Variants in NRP2 observed in about 807,000 individuals in gnomAD.
NRP2 encodes the protein neuropilin 2.
NRP2 carries 52 observed loss-of-function variants against 110.4 expected under a neutral mutation model. The ratio of observed to expected loss-of-function variants is 0.47; its 90% CI spans 0.38 to 0.59. NRP2 has a LOEUF of 0.59. NRP2 is among the 20% of genes least tolerant of loss of function. NRP2 has a pLI of 0.00. For missense variants in NRP2, 1,049 were observed against 1,203.0 expected (o/e 0.87, Z 1.89); for synonymous variants, 508 against 468.9 (o/e 1.08, Z -1.08).
chr2:205,733,881 T>A (rs1363046011), intron 7 of NRP2, among the ~76,000 whole-genome samples: 1 of 151,980 alleles, frequency 6.6e-6, no homozygotes, highest in African/African-American at 2.4e-5. Flanking sequence ...GTTAGTATGC[T>A]GTGTTCCAGG....
chr2:205,715,100 C>T (rs1040579425), intron 2 of NRP2, among the ~76,000 whole-genome samples: 3 of 152,098 alleles, frequency 2.0e-5, no homozygotes, highest in South Asian at 2.1e-4. Flanking sequence ...AATGGTGCAG[C>T]GGCCAGCAGT....
At chr2:205,743,825 C>G (rs1224788294) in intron 9 of NRP2, 10 of 489,886 alleles carry the variant, frequency 2.0e-5, no homozygotes, top group Non-Finnish European at 3.5e-5. Flanking sequence ...CTCACTGCAA[C>G]CTCCGCCTCC....
Position 205,686,469 on chromosome 2 carries a change from C to A in NRP2, c.73+3106C>A, listed in dbSNP as rs1049217667. ...GATTGATTTCTTTTTAATATCAACA[C>A]AAGTTAATGGAGGCAAGGCGCGCTC... On this transcript the variant is annotated intron_variant, in intron 1 of 16. Transcript: ENST00000357785. The surrounding 1 kb of genome is among the most constrained non-coding windows in gnomAD (Gnocchi z 4.7). 6.6e-6 allele frequency among the ~76,000 whole-genome samples: 1 copy of A among 152,202 alleles called. No homozygotes were observed. The highest frequency in any genetic ancestry group is 1.5e-5 in the Non-Finnish European group (1 of 68,054).
chr2:205,693,633 T>C (rs954960134), intron 1 of NRP2, among the ~76,000 whole-genome samples: 5 of 152,158 alleles, frequency 3.3e-5, no homozygotes, highest in African/African-American at 9.7e-5. Flanking sequence ...AAAGGTCAAA[T>C]TGAGTGAGTT....
rs562144161 is a variant in NRP2 at position 205,697,770 on chromosome 2, G to A, written c.251+49G>A. On this transcript the variant is annotated intron_variant, in intron 2 of 16. Transcript: ENST00000357785. The stretch of plus-strand genomic sequence containing the variant: ...TGTATCCCATCCATGAGATGCACAC[G>A]CCCTGCCCCCACCCCTGCTCTTGTC... 40 of 1,543,216 alleles carry A rather than the reference G, an allele frequency of 2.6e-5. No individual in the cohort carries two copies. In the South Asian group the frequency reaches 2.8e-4, roughly 11 times the overall value.
At chr2:205,766,970 A>T (rs1008963492) in intron 15 of NRP2, 167 bp downstream of exon 15, 91 of 660,968 alleles carry the variant, frequency 1.4e-4, no homozygotes, top group Non-Finnish European at 5.4e-5. Flanking sequence ...ACACCTGTAG[A>T]TGCGGGAAGG....
Position 205,734,408 on chromosome 2 carries a change from C to G in NRP2, c.1147-6111C>G, listed in dbSNP as rs539391673. Among the ~76,000 whole-genome samples the G allele has an allele frequency of 9.5e-4, 143 of 149,788 alleles. 1 individual carries two copies. The South Asian group carries it at 0.027, about 29-fold the overall frequency. The stretch of plus-strand genomic sequence containing the variant: ...CATATCATTTCCCACCGCCCCCCCC[C>G]ACCCCGCATCGCAACAGTTCCCTCC... On this transcript the variant is annotated intron_variant, in intron 7 of 16. Coordinates refer to ENST00000357785, the MANE Select transcript of NRP2 (RefSeq NM_003872.3).
At position 205,718,047 on chromosome 2, in the gene NRP2, T is replaced by C. The variant is rs546144151; in HGVS notation, c.433+1673T>C. Among the ~76,000 whole-genome samples the C allele has an allele frequency of 5.9e-5, 9 of 152,226 alleles. No homozygotes were observed. The East Asian group carries it at 1.7e-3, about 29-fold the overall frequency. Reference sequence around the variant, plus strand: ...TTAGCAATCGAGGGGCTCCAGAGAATCTATTCAATAGCAAGGTCCCTAGTG... The same window carrying C: ...TTAGCAATCGAGGGGCTCCAGAGAACCTATTCAATAGCAAGGTCCCTAGTG... On this transcript the variant is annotated intron_variant, in intron 3 of 16. Transcript: ENST00000357785.
chr2:205,723,748 T>G (rs1200465215), intron 4 of NRP2, 37 bp from the exon 5 acceptor site: 13 of 1,612,616 alleles, frequency 8.1e-6, no homozygotes, highest in Non-Finnish European at 1.1e-5. Context: ...TTTGACATTT[T>G]GATTTCCACT....
chr2:205,784,905 G>T (rs1364810384), intron 15 of NRP2, among the ~76,000 whole-genome samples: 1 of 152,142 alleles, frequency 6.6e-6, no homozygotes, highest in Non-Finnish European at 1.5e-5. Context: ...TTTTACAGGG[G>T]ACCACACCTG....
intron 12 of NRP2, among the ~76,000 whole-genome samples, chr2:205,755,921 C>T (rs566440024): frequency 6.6e-6 from 1 of 152,110 alleles, no homozygotes; most frequent in African/African-American, 2.4e-5. Flanking sequence ...AGGAGCTAGC[C>T]GTGTTGAAGT....
At chr2:205,769,501 T>TACACACAC (rs1487457755) in intron 15 of NRP2, among the ~76,000 whole-genome samples, 10 of 54,106 alleles carry the variant, frequency 1.8e-4, no homozygotes, top group East Asian at 1.1e-3. Flanking sequence ...TGTATATACA[T>TACACACAC]ACATACACAC....
At chr2:205,781,547 CGTG>C (rs1559366586) in intron 15 of NRP2, among the ~76,000 whole-genome samples, 5 of 152,230 alleles carry the variant, frequency 3.3e-5, no homozygotes, top group African/African-American at 1.2e-4. Context: ...TCTGCACAAA[CGTG>C]TGGCCTTTCT....
intron 1 of NRP2, among the ~76,000 whole-genome samples, chr2:205,689,796 C>T (rs937987623): frequency 1.4e-4 from 22 of 152,086 alleles, no homozygotes; most frequent in African/African-American, 4.3e-4. Context: ...CAGGGAACAC[C>T]GTGTTTAAGG....
intron 1 of NRP2, among the ~76,000 whole-genome samples, chr2:205,689,856 G>A (rs1186794852): frequency 6.6e-6 from 1 of 152,188 alleles, no homozygotes; most frequent in Non-Finnish European, 1.5e-5. Flanking sequence ...AGGCCCTTCA[G>A]CAGCTGAACT....
rs1347671500 is a variant in NRP2, at chr2:205,686,592, G to C, written c.73+3229G>C. ...GTCCAGCGGCTGGGTGGCGGGCGCC[G>C]GTAGCCCTAGTGTTTGGAGGTGGGG... On this transcript the variant is annotated intron_variant, in intron 1 of 16. Coordinates refer to ENST00000357785, the MANE Select transcript of NRP2 (RefSeq NM_003872.3). This position sits in a 1 kb window ranked among gnomAD's most constrained non-coding sequence, Gnocchi z 4.7. Among the ~76,000 whole-genome samples, 3 of 152,182 alleles carry C rather than the reference G, an allele frequency of 2.0e-5. No individual in the cohort carries two copies. The highest frequency in any genetic ancestry group is 4.4e-5 in the Non-Finnish European group (3 of 68,028).
At chr2:205,791,908 C>T (rs1425638377) in intron 15 of NRP2, among the ~76,000 whole-genome samples, 1 of 152,164 alleles carries the variant, frequency 6.6e-6, no homozygotes, top group Non-Finnish European at 1.5e-5. Flanking sequence ...TGCTGTTGGG[C>T]ATAAGATGCC....
rs113967103 is a variant in NRP2 at position 205,693,764 on chromosome 2, G to A, written c.74-3780G>A. The stretch of plus-strand genomic sequence containing the variant: ...ACTGGGCCCTCTAATCCCACATTCA[G>A]CCAATGGCCAAGTTTCCCTGGTTTC... On this transcript the variant is annotated intron_variant, in intron 1 of 16. Transcript: ENST00000357785. Among the ~76,000 whole-genome samples the A allele has an allele frequency of 6.6e-5, 10 of 152,220 alleles. 3 individuals carry two copies. Among genetic ancestry groups the A allele is most frequent in the African/African-American group, 2.2e-4 (9 of 41,526 alleles).
chr2:205,738,102 A>T (rs1296638090), intron 7 of NRP2, among the ~76,000 whole-genome samples: 1 of 152,230 alleles, frequency 6.6e-6, no homozygotes, highest in Non-Finnish European at 1.5e-5. Flanking sequence ...TATTAACAAC[A>T]CATAAGACAT....
Sources: gnomAD v4.1 joint callset for allele counts (sites outside exome capture counted in the v4.1 genomes callset) on GRCh38, gnomAD v4.1.1 for gene constraint, Gnocchi (gnomAD v3.1) non-coding constraint, MANE v1.5 for transcripts, NCBI Gene and HGNC (gene_info 2026-07-23, HGNC 2026-07-21) for gene names.